Variants in TIMMDC1 observed in about 807,000 individuals in gnomAD.
TIMMDC1 encodes the protein translocase of inner mitochondrial membrane domain containing 1, also known as complex I assembly factor TIMMDC1, mitochondrial.
Under a neutral mutation model 32.6 loss-of-function variants are expected in TIMMDC1, and 25 were observed. The ratio of observed to expected loss-of-function variants is 0.77; its 90% confidence interval spans 0.56 to 1.07. The LOEUF (loss-of-function observed/expected upper bound fraction) is 1.07, where lower values mean the gene tolerates loss of function less well. Ranked by LOEUF, TIMMDC1 falls within the 50% of genes least tolerant of loss-of-function variation. The pLI is 0.00. For missense variants in TIMMDC1, 329 were observed against 349.2 expected, an observed-to-expected ratio of 0.94 and a Z score of 0.46; for synonymous variants, 130 against 127.6, an observed-to-expected ratio of 1.02 and a Z score of -0.13.
At chr3:119,521,994 A>G (rs1259343215) in intron 6 of TIMMDC1, among the ~76,000 whole-genome samples, 4 of 152,196 alleles carry the variant, frequency 2.6e-5, no homozygotes, top group African/African-American at 4.8e-5. Context: ...TAGAAACAGT[A>G]TGGAAGTTCC....
At chr3:119,499,067 A>T in intron 1 of TIMMDC1, 140 bp downstream of exon 1, 1 of 631,064 alleles carries the variant, frequency 1.6e-6, no homozygotes, top group Non-Finnish European at 2.7e-6. Flanking sequence ...GATATTTGTA[A>T]CCCAAGCTTG....
At chr3:119,519,187 G>C (rs2082006954) in intron 6 of TIMMDC1, among the ~76,000 whole-genome samples, 1 of 151,786 alleles carries the variant, frequency 6.6e-6, no homozygotes, top group African/African-American at 2.4e-5. Flanking sequence ...GGAAGAAAGG[G>C]GAACAAAGAT....
At chr3:119,513,784 A>G (rs1488683511) in intron 5 of TIMMDC1, 65 bp downstream of exon 5, 1 of 1,049,518 alleles carries the variant, frequency 9.5e-7, no homozygotes, top group Non-Finnish European at 1.4e-6. Context: ...CCTATTAAAA[A>G]GTCTCATTTA....
chr3:119,512,170 C>A (rs78549672), intron 4 of TIMMDC1, among the ~76,000 whole-genome samples: 17,384 of 152,108 alleles, frequency 0.11, 1,178 homozygotes, highest in South Asian at 0.18. Flanking sequence ...GTGGTACCTC[C>A]ATGCAATGGA....
In TIMMDC1 at chr3:119,517,348, CT is replaced by C. The variant is rs576549246; in HGVS notation, c.707+34del. The C allele has an allele frequency of 2.9e-4, 414 of 1,436,990 alleles. No homozygotes were observed. The African/African-American group carries it at 5.1e-3, about 18-fold the overall frequency. 89.0% of individuals were successfully genotyped at this position (1,436,990 alleles called of 1,614,324 possible). On this transcript the variant is annotated intron_variant, in intron 6 of 6. Transcript: ENST00000494664. ...ACATGTTGAGCCCAGGGAATCTTGG[CT>C]CTCTTGCCCCAGGCCTTATATAGTG...
chr3:119,522,328 G>T (rs1477040752), intron 6 of TIMMDC1, among the ~76,000 whole-genome samples: 1 of 152,188 alleles, frequency 6.6e-6, no homozygotes, highest in Non-Finnish European at 1.5e-5. Flanking sequence ...TGCATGTTCT[G>T]TTGCTCATGT....
chr3:119,509,853 T>G (rs2081942212), intron 4 of TIMMDC1, among the ~76,000 whole-genome samples: 1 of 152,064 alleles, frequency 6.6e-6, no homozygotes, highest in Non-Finnish European at 1.5e-5. Flanking sequence ...ACCCGGCTAA[T>G]TTTTGTATTT....
At chr3:119,516,317 G>T (rs1321141907) in intron 5 of TIMMDC1, among the ~76,000 whole-genome samples, 1 of 152,134 alleles carries the variant, frequency 6.6e-6, no homozygotes, top group Non-Finnish European at 1.5e-5. Context: ...GACTACTTTA[G>T]ATACTTCATA....
intron 4 of TIMMDC1, among the ~76,000 whole-genome samples, chr3:119,505,162 A>T (rs890569965): frequency 6.6e-6 from 1 of 152,118 alleles, no homozygotes. Context: ...AATTAGCTTA[A>T]TTTAGCCATT....
At position 119,517,315 on chromosome 3, in the gene TIMMDC1, G is replaced by C. The variant is rs754090765; in HGVS notation, c.707G>C (p.Trp236Ser). 6.2e-7 allele frequency: 1 copy of C among 1,601,958 alleles called. No individual in the cohort carries two copies. Residue 236 changes from tryptophan to serine, a missense_variant and splice_region_variant, in exon 6 of 7, where the codon TGG (tryptophan) becomes TCG (serine). Coordinates refer to ENST00000494664, the MANE Select transcript of TIMMDC1 (RefSeq NM_016589.4). ...KALHELKLEE[W>S]KGRLQVTEHL... ...CTCCATGAGCTAAAACTGGAAGAGT[G>C]GTAAGGAACATGTTGAGCCCAGGGA... is the stretch of plus-strand genomic sequence containing the variant.
chr3:119,517,282 G>A lies in TIMMDC1; in HGVS notation c.674G>A (p.Arg225Gln), dbSNP rs761981569. Residue 225 changes from arginine to glutamine, a missense_variant, in exon 6 of 7, where the codon CGA becomes CAA. Transcript: ENST00000494664. ...ETVQERKQKD[R>Q]KALHELKLEE... The stretch of plus-strand genomic sequence containing the variant: ...GTTCAGGAAAGAAAACAGAAGGATC[G>A]AAAGGCACTCCATGAGCTAAAACTG... 1.3e-5 allele frequency: 21 copies of A among 1,613,568 alleles called. No homozygotes were observed. Among genetic ancestry groups the A allele is most frequent in the South Asian group, 4.4e-5 (4 of 91,066 alleles).
chr3:119,504,133 C>T (rs1003785348), intron 4 of TIMMDC1, 112 bp downstream of exon 4: 3 of 766,406 alleles, frequency 3.9e-6, no homozygotes, highest in African/African-American at 3.5e-5. Flanking sequence ...CATTACATCT[C>T]ATCAACATTG....
At chr3:119,520,218 A>C (rs1357473775) in intron 6 of TIMMDC1, among the ~76,000 whole-genome samples, 1 of 152,128 alleles carries the variant, frequency 6.6e-6, no homozygotes, top group Non-Finnish European at 1.5e-5. Context: ...GCAAGAACAA[A>C]CTAAACCCAA....
intron 4 of TIMMDC1, among the ~76,000 whole-genome samples, chr3:119,507,057 T>G (rs2107729262): frequency 6.6e-6 from 1 of 152,338 alleles, no homozygotes; most frequent in Middle Eastern, 3.4e-3. Flanking sequence ...CATACTTCAC[T>G]GTTTTTTTCT....
intron 4 of TIMMDC1, among the ~76,000 whole-genome samples, chr3:119,507,680 CT>C (rs2081926724): frequency 6.6e-6 from 1 of 152,242 alleles, no homozygotes; most frequent in South Asian, 2.1e-4. Context: ...TTTACTTGGT[CT>C]CTTCAAACTG....
intron 4 of TIMMDC1, among the ~76,000 whole-genome samples, chr3:119,506,713 A>G (rs2081921076): frequency 6.6e-6 from 1 of 152,188 alleles, no homozygotes; most frequent in Admixed American, 6.5e-5. Flanking sequence ...CATTTTTGAA[A>G]TATGAATATG....
chr3:119,508,218 C>T (rs2081930382), intron 4 of TIMMDC1, among the ~76,000 whole-genome samples: 1 of 152,148 alleles, frequency 6.6e-6, no homozygotes, highest in Admixed American at 6.5e-5. Context: ...CTATGATTGG[C>T]TCCCCTACAG....
intron 2 of TIMMDC1, 85 bp from the exon 3 acceptor site, chr3:119,503,447 A>G: frequency 1.0e-6 from 1 of 956,310 alleles, no homozygotes; most frequent in Non-Finnish European, 1.5e-6. Context: ...TGACTAATCC[A>G]TAGCTAAAAT....
intron 4 of TIMMDC1, 122 bp downstream of exon 4, chr3:119,504,143 G>A (rs1474563452): frequency 4.3e-6 from 3 of 693,952 alleles, no homozygotes; most frequent in African/African-American, 3.6e-5. Context: ...CATCAACATT[G>A]ATGCAAAATG....
Sources: allele counts gnomAD v4.1 joint callset (sites outside exome capture counted in the v4.1 genomes callset), GRCh38; gene constraint gnomAD v4.1.1; transcripts MANE v1.5; gene names NCBI Gene and HGNC (gene_info 2026-07-23, HGNC 2026-07-21).